AASDH: variants seen among roughly 807,000 people sequenced by gnomAD.
The protein encoded by AASDH is beta-alanine-activating enzyme.
Under a neutral mutation model 102.3 loss-of-function variants are expected in AASDH, and 81 were observed. That is an observed-to-expected ratio of 0.79 (90% CI 0.66 to 0.95). The LOEUF (loss-of-function observed/expected upper bound fraction) is 0.95. Among genes scored for constraint, AASDH ranks in the 40% least tolerant of loss-of-function variants. The pLI is 0.00. For synonymous variants in AASDH, 398 were observed against 454.0 expected (o/e 0.88, Z 1.57); for missense variants, 1,203 against 1,266.2 (o/e 0.95, Z 0.76).
intron 2 of AASDH, among the ~76,000 whole-genome samples, chr4:56,383,711 C>T (rs902405146): frequency 2.1e-4 from 32 of 151,988 alleles, no homozygotes; most frequent in African/African-American, 5.8e-4. Flanking sequence ...ATTTCAGTTG[C>T]GGACAAAAAA....
At chr4:56,365,665 A>C (rs1480257368) in intron 5 of AASDH, among the ~76,000 whole-genome samples, 1 of 152,194 alleles carries the variant, frequency 6.6e-6, no homozygotes, top group African/African-American at 2.4e-5. Context: ...TGTTCTTTGA[A>C]ACCAACGAGA....
chr4:56,342,977 A>C lies in AASDH; in HGVS notation c.2776-11T>G. 6.4e-7 allele frequency: 1 copy of C among 1,559,684 alleles called. No homozygotes were observed. Among genetic ancestry groups the C allele is most frequent in the Non-Finnish European group, 8.7e-7 (1 of 1,153,940 alleles). On this transcript the variant is annotated splice_polypyrimidine_tract_variant and intron_variant, in intron 13 of 14. Transcript: ENST00000205214. ...AACGTTCCCAGTAGCCTGTCACAGG[A>C]AAAAGCAATTCACAGCATTTTATGT...
rs541186700 is a variant in AASDH, at chr4:56,355,581, C to CAT, written c.862-160_862-159dup. Among the ~76,000 whole-genome samples, 25 of 138,350 alleles carry CAT rather than the reference C, an allele frequency of 1.8e-4. No homozygotes were observed. The South Asian group carries it at 5.2e-3, about 29-fold the overall frequency. 90.8% of individuals were successfully genotyped at this position (138,350 alleles called of 152,430 possible). On this transcript the variant is annotated intron_variant, in intron 5 of 14. Transcript: ENST00000205214. ...CCCATTTGGAAAACTACTGGTGCAA[C>CAT]ATTATCTTCTTGTTTTTTTTTTTTT... is the stretch of plus-strand genomic sequence containing the variant.
At chr4:56,342,992 G>A (rs1747885582) in intron 13 of AASDH, 26 bp from the exon 14 acceptor site, 2 of 1,539,586 alleles carry the variant, frequency 1.3e-6, no homozygotes, top group Non-Finnish European at 1.8e-6. Flanking sequence ...GCAATTCACA[G>A]CATTTTATGT....
intron 12 of AASDH, among the ~76,000 whole-genome samples, chr4:56,344,512 TTTA>T (rs1376452774): frequency 1.1e-4 from 16 of 152,178 alleles, no homozygotes; most frequent in Admixed American, 1.0e-3. Flanking sequence ...GTATTTGATC[TTTA>T]TTTTCATTAA....
intron 5 of AASDH, among the ~76,000 whole-genome samples, chr4:56,369,079 G>C (rs900013021): frequency 2.6e-5 from 4 of 152,152 alleles, no homozygotes; most frequent in Non-Finnish European, 5.9e-5. Context: ...ACTATTGTGA[G>C]ATAAATAAAA....
chr4:56,364,210 C>G (rs939081141), intron 5 of AASDH, among the ~76,000 whole-genome samples: 47 of 152,112 alleles, frequency 3.1e-4, no homozygotes, highest in African/African-American at 9.4e-4. Flanking sequence ...AAGAAATATG[C>G]GACTATGTGA....
chr4:56,339,891 A>G (rs539928475), intron 14 of AASDH, among the ~76,000 whole-genome samples: 128 of 152,198 alleles, frequency 8.4e-4, no homozygotes, highest in Non-Finnish European at 1.6e-3. Flanking sequence ...AGTTGTGGCC[A>G]GGCATGGTGG....
chr4:56,345,966 A>G (rs1230072691), intron 11 of AASDH, among the ~76,000 whole-genome samples: 1 of 152,250 alleles, frequency 6.6e-6, no homozygotes, highest in Non-Finnish European at 1.5e-5. Flanking sequence ...GTGGCAAACC[A>G]AGATTTGAAT....
chr4:56,341,177 T>C (rs1385810963), intron 14 of AASDH, among the ~76,000 whole-genome samples: 3 of 152,046 alleles, frequency 2.0e-5, no homozygotes, highest in African/African-American at 7.2e-5. Flanking sequence ...AAAAAATCAG[T>C]ATATCAAAGA....
intron 9 of AASDH, among the ~76,000 whole-genome samples, chr4:56,353,122 C>T (rs1279606514): frequency 1.3e-5 from 2 of 152,012 alleles, no homozygotes; most frequent in African/African-American, 4.8e-5. Flanking sequence ...ACTTTAGCTT[C>T]CCTGAGTGGC....
chr4:56,354,828 C>T lies in AASDH; in HGVS notation c.1104-17G>A, dbSNP rs186591800. The T allele has an allele frequency of 2.7e-5, 42 of 1,558,942 alleles. 1 individual carries two copies. The Admixed American group carries it at 6.4e-4, about 24-fold the overall frequency. On this transcript the variant is annotated splice_polypyrimidine_tract_variant and intron_variant, in intron 6 of 14. Transcript: ENST00000205214. ...AATTCACATCTATGAAAATAAGATA[C>T]AGAGCAGATTTAAAATTTTTCATTT...
At chr4:56,342,047 G>C (rs1344329481) in intron 14 of AASDH, among the ~76,000 whole-genome samples, 1 of 150,582 alleles carries the variant, frequency 6.6e-6, no homozygotes, top group Non-Finnish European at 1.5e-5. Context: ...GTGAGGCGGA[G>C]GTTGCAGTGA....
At chr4:56,352,268 T>A (rs1318140813) in intron 9 of AASDH, among the ~76,000 whole-genome samples, 1 of 152,184 alleles carries the variant, frequency 6.6e-6, no homozygotes, top group Non-Finnish European at 1.5e-5. Flanking sequence ...ACTGGGTCTG[T>A]GAGGGTGCTT....
chr4:56,359,853 GGCCGATGTTCTCCTTTTTAA>G (rs1553929327), intron 5 of AASDH, among the ~76,000 whole-genome samples: 1 of 152,046 alleles, frequency 6.6e-6, no homozygotes, highest in Non-Finnish European at 1.5e-5. Flanking sequence ...CACCGTGCCC[GGCCGATGTTCTCCTTTTTAA>G]GTCTGAGTTC....
At position 56,349,953 on chromosome 4, in the gene AASDH, C is replaced by T. The variant is rs373116343; in HGVS notation, c.1798G>A (p.Glu600Lys). The change falls in exon 11 of 15, where the codon GAA (glutamate) becomes AAA (lysine). Residue 600 changes from glutamate to lysine, a missense_variant. Glu to Lys is a moderately conservative substitution (Grantham distance 56). Transcript: ENST00000205214. ...LKSIRLLSEI[E>K]KLVGTSVPGL... ...GGTACTGATGTACCAACAAGTTTTT[C>T]AATCTCACTGAGGAGCCGGATGGAC... The T allele has an allele frequency of 2.3e-5, 37 of 1,613,758 alleles. No individual in the cohort carries two copies. Among genetic ancestry groups the T allele is most frequent in the Non-Finnish European group, 2.9e-5 (34 of 1,180,026 alleles).
chr4:56,365,226 T>G (rs558255143), intron 5 of AASDH, among the ~76,000 whole-genome samples: 2,438 of 151,984 alleles, frequency 0.016, 79 homozygotes, highest in African/African-American at 0.055. Context: ...AAGCAAGTCC[T>G]TAGAGACCTA....
chr4:56,339,188 C>T (rs1747315678), intron 14 of AASDH, among the ~76,000 whole-genome samples: 1 of 151,206 alleles, frequency 6.6e-6, no homozygotes, highest in African/African-American at 2.4e-5. Context: ...GAGTCTTGCT[C>T]TGTCGCCCAG....
At chr4:56,363,192 G>A (rs576401811) in intron 5 of AASDH, among the ~76,000 whole-genome samples, 7 of 152,326 alleles carry the variant, frequency 4.6e-5, no homozygotes, top group African/African-American at 7.2e-5. Context: ...GCCCACCATC[G>A]CCGAGGCTTG....
Sources: gnomAD v4.1 joint callset for allele counts (sites outside exome capture counted in the v4.1 genomes callset) on GRCh38, gnomAD v4.1.1 for gene constraint, MANE v1.5 for transcripts, NCBI Gene and HGNC (gene_info 2026-07-23, HGNC 2026-07-21) for gene names.